Variants in UNC13C observed in about 807,000 individuals in gnomAD.
The protein encoded by UNC13C is protein unc-13 homolog C.
A neutral mutation model predicts 245.4 loss-of-function variants in UNC13C; 174 were observed. That is an observed-to-expected ratio of 0.71 (90% confidence interval 0.63 to 0.80). UNC13C has a LOEUF of 0.80. UNC13C is among the 30% of genes least tolerant of loss of function. The probability of loss-of-function intolerance (pLI) is 0.00; values close to 1 mark genes in which losing one functional copy is unlikely to be tolerated. For missense variants in UNC13C, 2,829 were observed against 2,602.9 expected (o/e 1.09, Z -1.89); for synonymous variants, 992 against 895.1 (o/e 1.11, Z -1.93).
rs71132791 is a variant in UNC13C at position 54,234,240 on chromosome 15, G to GTATA, written c.3072-774_3072-771dup. ...ATAAGTTTAGTACACTCCCATGTCAGTATATATATATATATATATGGGAGT... is the reference window on the plus strand; with the variant it reads ...ATAAGTTTAGTACACTCCCATGTCAGTATATATATATATATATATATATGGGAGT... On this transcript the variant is annotated intron_variant, in intron 4 of 32. Transcript: ENST00000260323. 4.1e-3 allele frequency among the ~76,000 whole-genome samples: 610 copies of GTATA among 148,168 alleles called. 4 individuals are homozygous for GTATA. The highest frequency in any genetic ancestry group is 0.013 in the Admixed American group (192 of 14,844).
chr15:54,525,597 AG>A lies in UNC13C; in HGVS notation c.5507del (p.Ser1836MetfsTer18). The A allele has an allele frequency of 6.2e-7, 1 of 1,613,160 alleles. No individual in the cohort carries two copies. The highest frequency in any genetic ancestry group is 8.5e-7 in the Non-Finnish European group (1 of 1,179,602). ...TCTAAAAGAACTTCAGGTTAAGCTC[AG>A]TGGGGTCCTGGATGAGCTCAGCGTC... ...TILKELQVKL[S>X]GVLDELSVTY... On this transcript the variant is annotated frameshift_variant, in exon 25 of 33. Coordinates refer to ENST00000260323, the MANE Select transcript of UNC13C (RefSeq NM_001080534.3). LOFTEE classifies it high-confidence loss of function.
Position 54,418,116 on chromosome 15 carries a change from T to G in UNC13C, c.4933+3049T>G, listed in dbSNP as rs2040559092. Among the ~76,000 whole-genome samples the G allele has an allele frequency of 2.0e-5, 3 of 152,116 alleles. No homozygotes were observed. In the South Asian group the frequency reaches 6.2e-4, roughly 32 times the overall value. On this transcript the variant is annotated intron_variant, in intron 19 of 32. Coordinates refer to ENST00000260323, the MANE Select transcript of UNC13C (RefSeq NM_001080534.3). ...TCATCAGTTTAATTGTCCATATTGA[T>G]ATTTGCACAACAGAATAGTAAAGCT...
intron 7 of UNC13C, among the ~76,000 whole-genome samples, chr15:54,243,827 A>G (rs1387098575): frequency 6.6e-6 from 1 of 151,140 alleles, no homozygotes; most frequent in Non-Finnish European, 1.5e-5. Flanking sequence ...GAGATTGTTT[A>G]TTTTTTTTCT....
chr15:53,897,055 G>A, the UNC13C span, among the ~76,000 whole-genome samples: 2 of 152,164 alleles, frequency 1.3e-5, no homozygotes, highest in African/African-American at 2.4e-5. Context: ...TCATTTTGTA[G>A]AGAAAGTAAC....
chr15:54,447,677 C>G (rs1410705818), intron 19 of UNC13C, among the ~76,000 whole-genome samples: 6 of 151,514 alleles, frequency 4.0e-5, no homozygotes, highest in African/African-American at 7.3e-5. Flanking sequence ...TTCTTTATTA[C>G]TCTTGCTAGT....
chr15:54,206,513 A>T (rs896790730), intron 4 of UNC13C, among the ~76,000 whole-genome samples: 1 of 152,214 alleles, frequency 6.6e-6, no homozygotes, highest in East Asian at 1.9e-4. Context: ...AATGGTTATT[A>T]CAGAATGAAC....
chr15:54,504,249 G>T (rs184605801), intron 22 of UNC13C, among the ~76,000 whole-genome samples: 12 of 152,274 alleles, frequency 7.9e-5, no homozygotes, highest in Admixed American at 3.3e-4. Context: ...AGGTGCTGCA[G>T]ATACTGTGGT....
chr15:53,842,423 C>T, the UNC13C span, among the ~76,000 whole-genome samples: 2 of 152,116 alleles, frequency 1.3e-5, no homozygotes, highest in African/African-American at 4.8e-5. Flanking sequence ...TCAGATAGGG[C>T]TGACAATGTC....
chr15:54,602,101 A>G lies in UNC13C; in HGVS notation c.6107-20226A>G, dbSNP rs191031599. Among the ~76,000 whole-genome samples, 4 of 152,238 alleles carry G rather than the reference A, an allele frequency of 2.6e-5. No individual in the cohort carries two copies. The East Asian group carries it at 5.8e-4, about 22-fold the overall frequency. ...TGAACAGGCAAATATTTCTTCATCAATTAGCAGCTGTTGAAAAGGAATGAG... is the reference window on the plus strand; with the variant it reads ...TGAACAGGCAAATATTTCTTCATCAGTTAGCAGCTGTTGAAAAGGAATGAG... On this transcript the variant is annotated intron_variant, in intron 30 of 32. Transcript: ENST00000260323.
At chr15:53,925,312 T>C in the UNC13C span, among the ~76,000 whole-genome samples, 1 of 152,182 alleles carries the variant, frequency 6.6e-6, no homozygotes, top group Non-Finnish European at 1.5e-5. Context: ...TTAAATGCTA[T>C]AGTCTATAAA....
chr15:53,897,559 C>A, the UNC13C span, among the ~76,000 whole-genome samples: 3 of 152,264 alleles, frequency 2.0e-5, no homozygotes, highest in African/African-American at 2.4e-5. Flanking sequence ...GTATTATAGG[C>A]GTGTGCCATG....
At chr15:54,483,366 G>A (rs552992583) in intron 19 of UNC13C, among the ~76,000 whole-genome samples, 1 of 152,084 alleles carries the variant, frequency 6.6e-6, no homozygotes, top group East Asian at 1.9e-4. Context: ...TGAGAGTAGG[G>A]GTCAGGAATC....
chr15:54,312,034 C>G (rs966349909), intron 13 of UNC13C, among the ~76,000 whole-genome samples: 8 of 151,658 alleles, frequency 5.3e-5, no homozygotes, highest in Non-Finnish European at 1.2e-4. Flanking sequence ...ATATTTTTTT[C>G]TGGTTAGGGT....
chr15:54,442,070 TGATA>T (rs1890556211), intron 19 of UNC13C, among the ~76,000 whole-genome samples: 1 of 152,054 alleles, frequency 6.6e-6, no homozygotes. Context: ...AAGAATTTTC[TGATA>T]GAGTCTTTTA....
At chr15:54,507,282 T>A in intron 23 of UNC13C, 88 bp downstream of exon 23, 1 of 863,838 alleles carries the variant, frequency 1.2e-6, no homozygotes, top group East Asian at 2.7e-5. Flanking sequence ...ATTGTTGACT[T>A]TCAGTTTTCA....
intron 4 of UNC13C, among the ~76,000 whole-genome samples, chr15:54,192,728 G>T (rs2034226078): frequency 6.6e-6 from 1 of 152,106 alleles, no homozygotes; most frequent in Non-Finnish European, 1.5e-5. Context: ...TTTCACTTGA[G>T]ATCTGTAGCT....
At chr15:53,898,712 A>G in the UNC13C span, among the ~76,000 whole-genome samples, 1 of 152,222 alleles carries the variant, frequency 6.6e-6, no homozygotes, top group Non-Finnish European at 1.5e-5. Context: ...TTTGATATGT[A>G]TACATTGTGA....
chr15:54,350,274 G>T (rs540485291), intron 17 of UNC13C, among the ~76,000 whole-genome samples: 3 of 152,310 alleles, frequency 2.0e-5, no homozygotes, highest in African/African-American at 7.2e-5. Context: ...ACAGGCGTGA[G>T]ACCCCACGCC....
rs192595980 is a variant in UNC13C, at chr15:54,531,264, G to C, written c.5547-1653G>C. Among the ~76,000 whole-genome samples the C allele has an allele frequency of 7.9e-5, 12 of 152,288 alleles. No homozygotes were observed. The East Asian group carries it at 1.4e-3, about 17-fold the overall frequency. ...CTATGGAAGCCATGGGACTAGATGT[G>C]ATTGCCAAGAAAGTGACTGCTGATG... is the stretch of plus-strand genomic sequence containing the variant. On this transcript the variant is annotated intron_variant, in intron 25 of 32. Coordinates refer to ENST00000260323, the MANE Select transcript of UNC13C (RefSeq NM_001080534.3).
Sources: allele counts gnomAD v4.1 joint callset (sites outside exome capture counted in the v4.1 genomes callset), GRCh38; gene constraint gnomAD v4.1.1; transcripts MANE v1.5; gene names NCBI Gene and HGNC (gene_info 2026-07-23, HGNC 2026-07-21).